The following IL1RAPL1 variants were observed in gnomAD, a reference collection of about 807,000 sequenced individuals.
IL1RAPL1 encodes interleukin 1 receptor accessory protein like 1.
IL1RAPL1 carries 3 observed loss-of-function variants against 48.4 expected under a neutral mutation model. The observed-to-expected ratio is 0.06, with a 90% confidence interval of 0.03 to 0.16. The LOEUF is 0.16. Among genes scored for constraint, IL1RAPL1 ranks in the 10% least tolerant of loss-of-function variants. IL1RAPL1 has a pLI of 1.00. For synonymous variants in IL1RAPL1, 185 were observed against 187.7 expected, an observed-to-expected ratio of 0.99 and a Z score of 0.12; for missense variants, 349 against 530.6, an observed-to-expected ratio of 0.66 and a Z score of 3.36.
chrX:29,065,242 T>C (rs1224516373), intron 2 of IL1RAPL1, among the ~76,000 whole-genome samples: 1 of 110,957 alleles, frequency 9.0e-6, no homozygotes, highest in Admixed American at 9.6e-5. Flanking sequence ...TTTGTTTGTG[T>C]GGGGATGTCT....
chrX:29,674,994 A>G (rs1293951641), intron 6 of IL1RAPL1, among the ~76,000 whole-genome samples: 1 of 112,194 alleles, frequency 8.9e-6, no homozygotes, highest in Non-Finnish European at 1.9e-5. Context: ...GACTGATTCT[A>G]TGTCTTTGTT....
At chrX:29,070,339 T>C (rs187120207) in intron 2 of IL1RAPL1, among the ~76,000 whole-genome samples, 39 of 111,407 alleles carry the variant, frequency 3.5e-4, no homozygotes, top group Middle Eastern at 9.2e-3. Context: ...GTATGAACCT[T>C]AGAGTGTTTA....
In IL1RAPL1 at chrX:29,009,268, T is replaced by TA. The variant is rs755309322; in HGVS notation, c.82+219847dup. On this transcript the variant is annotated intron_variant, in intron 2 of 10. Transcript: ENST00000378993. ...GGTACTATGCTCACTACCTAGGTGA[T>TA]AAAATCATTTGTACACCAAATCCCA... 6.3e-5 allele frequency among the ~76,000 whole-genome samples: 7 copies of TA among 111,547 alleles called. No homozygotes were observed. In the East Asian group the frequency reaches 1.7e-3, roughly 27 times the overall value.
rs1012982501 is a variant in IL1RAPL1, at chrX:28,876,064, G to A, written c.82+86639G>A. 4.0e-4 allele frequency among the ~76,000 whole-genome samples: 45 copies of A among 111,948 alleles called. No homozygotes were observed. In the Admixed American group the frequency reaches 4.2e-3, roughly 10 times the overall value. ...CTCCCTGAAGCCCTGGTCAGAAGAA[G>A]ATGCTGGCTTCATGCTTCTTGTACA... On this transcript the variant is annotated intron_variant, in intron 2 of 10. Coordinates refer to ENST00000378993, the MANE Select transcript of IL1RAPL1 (RefSeq NM_014271.4).
intron 5 of IL1RAPL1, among the ~76,000 whole-genome samples, chrX:29,577,751 G>A (rs1472809515): frequency 8.9e-6 from 1 of 111,879 alleles, no homozygotes; most frequent in Non-Finnish European, 1.9e-5. Context: ...TCTCAGGGAG[G>A]TGACCTCCTT....
intron 6 of IL1RAPL1, among the ~76,000 whole-genome samples, chrX:29,752,402 A>C (rs1162362153): frequency 9.6e-6 from 1 of 104,491 alleles, no homozygotes; most frequent in Non-Finnish European, 1.9e-5. Flanking sequence ...AGGCTGAGGC[A>C]GGAGAATCGC....
rs979157802 is a variant in IL1RAPL1, at chrX:29,354,993, G to A, written c.363-41265G>A. Among the ~76,000 whole-genome samples, 3 of 111,744 alleles carry A rather than the reference G, an allele frequency of 2.7e-5. No individual in the cohort carries two copies. The Admixed American group carries it at 2.8e-4, about 11-fold the overall frequency. ...TTCACCTAAAAACAAAGAAAGAAGG[G>A]TATGGGGGAAACCACTTATGGGGGT... On this transcript the variant is annotated intron_variant, in intron 3 of 10. Coordinates refer to ENST00000378993, the MANE Select transcript of IL1RAPL1 (RefSeq NM_014271.4).
intron 2 of IL1RAPL1, among the ~76,000 whole-genome samples, chrX:29,054,377 G>A (rs1223972816): frequency 1.8e-5 from 2 of 111,099 alleles, no homozygotes; most frequent in Non-Finnish European, 3.8e-5. Flanking sequence ...TTGACTATCC[G>A]AAACCAAATA....
At chrX:29,155,835 AT>A (rs1331076448) in intron 2 of IL1RAPL1, among the ~76,000 whole-genome samples, 1 of 111,419 alleles carries the variant, frequency 9.0e-6, no homozygotes, top group East Asian at 2.8e-4. Context: ...TTCATAACAC[AT>A]GATTTGACTT....
rs1925206937 is a variant in IL1RAPL1, at chrX:29,642,800, G to A, written c.704-25630G>A. Among the ~76,000 whole-genome samples, 3 of 112,403 alleles carry A rather than the reference G, an allele frequency of 2.7e-5. No homozygotes were observed. The South Asian group carries it at 1.1e-3, about 41-fold the overall frequency. On this transcript the variant is annotated intron_variant, in intron 5 of 10. Transcript: ENST00000378993. ...CATTATGTGCTACGGCATGAGAAAT[G>A]TTGAGAGTTAGTCTAGTCCAGTACT...
intron 2 of IL1RAPL1, among the ~76,000 whole-genome samples, chrX:28,904,558 C>T (rs751992953): frequency 8.0e-5 from 9 of 111,976 alleles, no homozygotes; most frequent in Non-Finnish European, 1.3e-4. Context: ...AAAGAAGTCA[C>T]GTTTTAAATT....
intron 1 of IL1RAPL1, among the ~76,000 whole-genome samples, chrX:28,651,038 T>C (rs1934677514): frequency 8.9e-6 from 1 of 112,024 alleles, no homozygotes; most frequent in Non-Finnish European, 1.9e-5. Flanking sequence ...TCAGTGAAAA[T>C]GCAGTCAAAA....
At chrX:29,357,360 A>C (rs755135074) in intron 3 of IL1RAPL1, among the ~76,000 whole-genome samples, 1 of 112,209 alleles carries the variant, frequency 8.9e-6, no homozygotes, top group Non-Finnish European at 1.9e-5. Flanking sequence ...TCACTTTTCT[A>C]TAAGTTATAC....
chrX:29,159,386 T>C (rs1225072898), intron 2 of IL1RAPL1, among the ~76,000 whole-genome samples: 4 of 111,888 alleles, frequency 3.6e-5, no homozygotes, highest in African/African-American at 9.7e-5. Context: ...ATGACACTTC[T>C]TCTTTAACTC....
intron 5 of IL1RAPL1, among the ~76,000 whole-genome samples, chrX:29,449,195 G>T (rs1377292891): frequency 8.9e-6 from 1 of 111,902 alleles, no homozygotes; most frequent in Non-Finnish European, 1.9e-5. Flanking sequence ...ACTTTCCCAA[G>T]ATTAGTGGCT....
intron 2 of IL1RAPL1, among the ~76,000 whole-genome samples, chrX:28,829,628 C>T (rs1276692979): frequency 1.9e-5 from 2 of 104,588 alleles, no homozygotes; most frequent in Admixed American, 1.0e-4. Context: ...GGCACAATCT[C>T]GGCTCACTTC....
intron 2 of IL1RAPL1, among the ~76,000 whole-genome samples, chrX:29,274,686 C>A (rs948824511): frequency 1.8e-5 from 2 of 112,132 alleles, no homozygotes; most frequent in African/African-American, 6.5e-5. Flanking sequence ...CAAGCAATAA[C>A]GTTCTGCTGT....
At chrX:29,117,032 A>G (rs1230632519) in intron 2 of IL1RAPL1, among the ~76,000 whole-genome samples, 2 of 111,786 alleles carry the variant, frequency 1.8e-5, no homozygotes, top group African/African-American at 6.5e-5. Flanking sequence ...CAGCAGTGTC[A>G]AACGATGCAG....
chrX:28,652,059 GT>G (rs1349169706), intron 1 of IL1RAPL1, among the ~76,000 whole-genome samples: 5 of 111,756 alleles, frequency 4.5e-5, no homozygotes, highest in Non-Finnish European at 9.4e-5. Context: ...ATTTAGAGTT[GT>G]TCCATTTTAA....
Sources: gnomAD v4.1 joint callset for allele counts (sites outside exome capture counted in the v4.1 genomes callset) on GRCh38, gnomAD v4.1.1 for gene constraint, MANE v1.5 for transcripts, NCBI Gene and HGNC (gene_info 2026-07-23, HGNC 2026-07-21) for gene names.